ZC3H12B: variants seen among roughly 807,000 people sequenced by gnomAD.
The protein encoded by ZC3H12B is probable ribonuclease ZC3H12B.
A neutral mutation model predicts 43.9 loss-of-function variants in ZC3H12B; 7 were observed. That is an observed-to-expected ratio of 0.16 (90% CI 0.09 to 0.30). The LOEUF (loss-of-function observed/expected upper bound fraction) is 0.30, where lower values mean the gene tolerates loss of function less well. Among genes scored for constraint, ZC3H12B ranks in the 10% least tolerant of loss-of-function variants. The pLI, the probability that ZC3H12B is intolerant of heterozygous loss-of-function variation, is 1.00. For missense variants in ZC3H12B, 475 were observed against 670.2 expected (o/e 0.71, Z 3.22); for synonymous variants, 222 against 241.7 (o/e 0.92, Z 0.76).
intron 2 of ZC3H12B, among the ~76,000 whole-genome samples, chrX:65,378,316 ATTAAT>A (rs1366085012): frequency 1.8e-5 from 2 of 111,731 alleles, no homozygotes; most frequent in African/African-American, 6.5e-5. Context: ...AAAAGACGAG[ATTAAT>A]TTAAGGTGTA....
chrX:65,158,686 G>C, the ZC3H12B span, among the ~76,000 whole-genome samples: 5 of 111,476 alleles, frequency 4.5e-5, no homozygotes, highest in Admixed American at 2.9e-4. Context: ...TTTGTCAGAT[G>C]AGTAGGTTAC....
chrX:65,227,162 C>G, the ZC3H12B span, among the ~76,000 whole-genome samples: 1 of 111,654 alleles, frequency 9.0e-6, no homozygotes, highest in Admixed American at 9.5e-5. Context: ...TGTAAAATAA[C>G]AGAAATTATA....
intron 2 of ZC3H12B, among the ~76,000 whole-genome samples, chrX:65,377,147 A>G (rs775949504): frequency 3.7e-5 from 4 of 109,039 alleles, no homozygotes; most frequent in African/African-American, 6.7e-5. Context: ...AAAGTCTTTT[A>G]ATAGAACTAA....
chrX:65,067,370 G>T, the ZC3H12B span, among the ~76,000 whole-genome samples: 1 of 111,529 alleles, frequency 9.0e-6, no homozygotes, highest in African/African-American at 3.3e-5. Flanking sequence ...GCACAGTCTC[G>T]CACAGCTTCC....
chrX:65,186,170 C>T, the ZC3H12B span: 1 of 111,135 alleles, frequency 9.0e-6, no homozygotes, highest in South Asian at 3.8e-4. Flanking sequence ...ATTTACAAAG[C>T]CCTAGTTGCT....
the ZC3H12B span, among the ~76,000 whole-genome samples, chrX:65,052,862 T>C: frequency 8.9e-6 from 1 of 112,034 alleles, no homozygotes; most frequent in Non-Finnish European, 1.9e-5. Context: ...TCCACATTAT[T>C]CTCCATAGTA....
At chrX:65,161,288 C>T in the ZC3H12B span, among the ~76,000 whole-genome samples, 2 of 111,360 alleles carry the variant, frequency 1.8e-5, no homozygotes, top group African/African-American at 6.5e-5. Flanking sequence ...CCGCTTGGTG[C>T]AGAGCTGAAT....
intron 3 of ZC3H12B, among the ~76,000 whole-genome samples, chrX:65,480,746 T>C (rs2068052654): frequency 9.2e-6 from 1 of 108,767 alleles, no homozygotes; most frequent in African/African-American, 3.4e-5. Flanking sequence ...CTCGGGAGGC[T>C]GAGACAGGAG....
chrX:65,114,026 T>TATATATATATATATATATA, the ZC3H12B span, among the ~76,000 whole-genome samples: 43 of 82,555 alleles, frequency 5.2e-4, no homozygotes, highest in Middle Eastern at 6.6e-3. Context: ...TATATATATA[T>TATATATATATATATATATA]TCATCTTTAG....
chrX:65,159,963 T>A, the ZC3H12B span, among the ~76,000 whole-genome samples: 1 of 112,101 alleles, frequency 8.9e-6, no homozygotes, highest in African/African-American at 3.2e-5. Flanking sequence ...TTGAGAAATT[T>A]TAGCATGAAG....
chrX:65,064,618 T>C, the ZC3H12B span, among the ~76,000 whole-genome samples: 1 of 111,882 alleles, frequency 8.9e-6, no homozygotes, highest in African/African-American at 3.2e-5. Flanking sequence ...ATGTATATTC[T>C]GTTGAACTGG....
the ZC3H12B span, among the ~76,000 whole-genome samples, chrX:65,183,501 G>C: frequency 1.8e-5 from 2 of 111,025 alleles, no homozygotes; most frequent in African/African-American, 3.3e-5. Context: ...CCAGTTGCAC[G>C]CAATTTACCT....
chrX:65,059,865 T>C, the ZC3H12B span, among the ~76,000 whole-genome samples: 1 of 112,070 alleles, frequency 8.9e-6, no homozygotes, highest in Admixed American at 9.5e-5. Context: ...ATGGAATATT[T>C]TTCCATATTT....
rs140646694 is a variant in ZC3H12B, at chrX:65,420,902, C to T, written n.407+22198C>T. ...ACATTCTCTAGTACCTGATATTCAG[C>T]TATTGATCAGGCAAAATTACTTTTT... On this transcript the variant is annotated intron_variant and non_coding_transcript_variant, in intron 3 of 5. Coordinates refer to the ZC3H12B transcript ENST00000617377. 8.4e-3 allele frequency among the ~76,000 whole-genome samples: 943 copies of T among 112,438 alleles called. 35 individuals are homozygous for T. The highest frequency in any genetic ancestry group is 0.073 in the Admixed American group (772 of 10,647).
At chrX:65,169,596 T>G in the ZC3H12B span, among the ~76,000 whole-genome samples, 4 of 111,672 alleles carry the variant, frequency 3.6e-5, no homozygotes, top group East Asian at 1.1e-3. Context: ...CCTTTTTAAC[T>G]TTCTGTCTTA....
chrX:65,255,220 TATA>T, the ZC3H12B span, among the ~76,000 whole-genome samples: 11 of 111,226 alleles, frequency 9.9e-5, no homozygotes, highest in Non-Finnish European at 2.1e-4. Flanking sequence ...TGTGAGGTAC[TATA>T]CAAGATGACT....
the ZC3H12B span, among the ~76,000 whole-genome samples, chrX:65,099,768 G>T: frequency 9.0e-6 from 1 of 111,478 alleles, no homozygotes; most frequent in African/African-American, 3.3e-5. Context: ...AATCCATGAA[G>T]ATGAGGAAAA....
chrX:65,453,399 TATATAA>T (rs1388296283), intron 3 of ZC3H12B, among the ~76,000 whole-genome samples: 25 of 79,779 alleles, frequency 3.1e-4, no homozygotes, highest in African/African-American at 1.3e-3. Context: ...TATATATATA[TATATAA>T]AATAGAATAG....
intron 3 of ZC3H12B, chrX:65,469,401 C>A: frequency 2.1e-6 from 1 of 465,588 alleles, no homozygotes; most frequent in East Asian, 4.0e-5. Context: ...CACCATCAAG[C>A]TCAAGGTGTT....
Sources: allele counts gnomAD v4.1 joint callset (sites outside exome capture counted in the v4.1 genomes callset), GRCh38; gene constraint gnomAD v4.1.1; transcripts MANE v1.5; gene names NCBI Gene and HGNC (gene_info 2026-07-23, HGNC 2026-07-21).